Variants in NFIX observed in about 807,000 individuals in gnomAD.
NFIX encodes nuclear factor 1 X-type.
NFIX carries 2 observed loss-of-function variants against 53.3 expected under a neutral mutation model. That is an observed-to-expected ratio of 0.04 (90% CI 0.02 to 0.12). The LOEUF (loss-of-function observed/expected upper bound fraction) is 0.12, where lower values mean the gene tolerates loss of function less well. Among genes scored for constraint, NFIX ranks in the 10% least tolerant of loss-of-function variants. The pLI is 1.00. For missense variants in NFIX, 310 were observed against 674.5 expected (o/e 0.46, Z 5.99); for synonymous variants, 244 against 289.0 (o/e 0.84, Z 1.58).
rs2016522834 is a variant in NFIX at position 13,067,890 on chromosome 19, G to T, written c.560-5157G>T. On this transcript the variant is annotated intron_variant, in intron 2 of 10. Coordinates refer to ENST00000592199, the MANE Select transcript of NFIX (RefSeq NM_001365902.3). This position sits in a 1 kb window ranked among gnomAD's most constrained non-coding sequence, Gnocchi z 4.2. Reference sequence around the variant, plus strand: ...GGAGGCTGAGACGGGCGGATCACCAGGTCAGGAGATCGAGACCATCCTGGC... The same window carrying T: ...GGAGGCTGAGACGGGCGGATCACCATGTCAGGAGATCGAGACCATCCTGGC... 6.6e-6 allele frequency among the ~76,000 whole-genome samples: 1 copy of T among 152,046 alleles called. No homozygotes were observed. Among genetic ancestry groups the T allele is most frequent in the African/African-American group, 2.4e-5 (1 of 41,376 alleles).
In NFIX at chr19:13,072,543, G is replaced by T. The variant is rs2145428437; in HGVS notation, c.560-504G>T. On this transcript the variant is annotated intron_variant, in intron 2 of 10. Transcript: ENST00000592199. The surrounding 1 kb of genome is among the most constrained non-coding windows in gnomAD (Gnocchi z 4.0). Reference sequence around the variant, plus strand: ...GATGCTCCTCTGGGAGCTGGAGCTGGGTGGGGGATGGGGGACCCTTGGGTC... The same window carrying T: ...GATGCTCCTCTGGGAGCTGGAGCTGTGTGGGGGATGGGGGACCCTTGGGTC... Among the ~76,000 whole-genome samples, 1 of 152,382 alleles carries T rather than the reference G, an allele frequency of 6.6e-6. No individual in the cohort carries two copies. The highest frequency in any genetic ancestry group is 2.1e-4 in the South Asian group (1 of 4,832).
At chr19:13,076,759 C>G (rs776871907) in intron 6 of NFIX, among the ~76,000 whole-genome samples, 4 of 152,152 alleles carry the variant, frequency 2.6e-5, no homozygotes, top group African/African-American at 7.2e-5. Context: ...TGGGGTGGAG[C>G]GAGGTGGGGC....
intron 2 of NFIX, among the ~76,000 whole-genome samples, chr19:13,033,209 G>GT (rs1157112364): frequency 1.3e-5 from 2 of 152,234 alleles, no homozygotes; most frequent in Non-Finnish European, 1.5e-5. Flanking sequence ...GCATGTTTGA[G>GT]TTTAAGGGTT....
chr19:13,042,888 G>T (rs2014735228), intron 2 of NFIX, among the ~76,000 whole-genome samples: 2 of 152,088 alleles, frequency 1.3e-5, no homozygotes, highest in African/African-American at 4.8e-5. Context: ...GGACTCTCTT[G>T]AAGGCTCTTC....
intron 2 of NFIX, among the ~76,000 whole-genome samples, chr19:13,046,108 C>T (rs1422382328): frequency 6.6e-6 from 1 of 152,192 alleles, no homozygotes; most frequent in African/African-American, 2.4e-5. Flanking sequence ...CTCCTTCCAC[C>T]ATTCATTCCT....
rs1599694712 is a variant in NFIX, at chr19:12,998,227, GTC to G, written c.27+2367_27+2368del. ...CTTTTGTATGTCTCTGACTGTCTCT[GTC>G]TCTGATTCCAGTTTTGGCCCCATCT... On this transcript the variant is annotated intron_variant, in intron 1 of 10. Transcript: ENST00000592199. The surrounding 1 kb of genome is among the most constrained non-coding windows in gnomAD (Gnocchi z 4.4). Among the ~76,000 whole-genome samples the G allele has an allele frequency of 1.3e-5, 2 of 151,734 alleles. No homozygotes were observed. Among genetic ancestry groups the G allele is most frequent in the East Asian group, 3.9e-4 (2 of 5,166 alleles).
At position 13,090,272 on chromosome 19, in the gene NFIX, T is replaced by C. The variant is rs2018052555; in HGVS notation, c.1403-27T>C. Reference sequence around the variant, plus strand: ...GTGGGCCCCAAGGCCTGACAGGGTCTCTCCCTCTCTCCCCTGCTCCCCACA... The same window carrying C: ...GTGGGCCCCAAGGCCTGACAGGGTCCCTCCCTCTCTCCCCTGCTCCCCACA... On this transcript the variant is annotated intron_variant, in intron 9 of 10. Coordinates refer to ENST00000592199, the MANE Select transcript of NFIX (RefSeq NM_001365902.3). This position sits in a 1 kb window ranked among gnomAD's most constrained non-coding sequence, Gnocchi z 6.6. 6.2e-7 allele frequency: 1 copy of C among 1,611,540 alleles called. No homozygotes were observed. Among genetic ancestry groups the C allele is most frequent in the Non-Finnish European group, 8.5e-7 (1 of 1,177,892 alleles).
chr19:13,095,955 T>C lies in NFIX; in HGVS notation c.*1306T>C, dbSNP rs1277477068. Reference sequence around the variant, plus strand: ...TGTTGGAATGGGAACTCCTCCTCCATTTGAGCAACTTGGGAACAATTTGGT... The same window carrying C: ...TGTTGGAATGGGAACTCCTCCTCCACTTGAGCAACTTGGGAACAATTTGGT... On this transcript the variant is annotated 3_prime_UTR_variant, in exon 11 of 11. Transcript: ENST00000592199. 6.6e-6 allele frequency: 1 copy of C among 152,100 alleles called. No homozygotes were observed. The highest frequency in any genetic ancestry group is 1.5e-5 in the Non-Finnish European group (1 of 68,038). 9.4% of individuals were successfully genotyped at this position (152,100 alleles called of 1,614,324 possible).
rs996969681 is a variant in NFIX, at chr19:13,001,782, G to A, written c.27+5918G>A. ...TCTCCTGGGCATTCCCTTGGCCTCC[G>A]AGCACCATGTGAGATGCCTGCTATG... On this transcript the variant is annotated intron_variant, in intron 1 of 10. Coordinates refer to ENST00000592199, the MANE Select transcript of NFIX (RefSeq NM_001365902.3). This position sits in a 1 kb window ranked among gnomAD's most constrained non-coding sequence, Gnocchi z 6.5. 2.0e-5 allele frequency among the ~76,000 whole-genome samples: 3 copies of A among 152,206 alleles called. 1 individual carries two copies. The highest frequency in any genetic ancestry group is 2.9e-5 in the Non-Finnish European group (2 of 68,038).
chr19:13,091,537 C>T (rs2018139445), intron 10 of NFIX, among the ~76,000 whole-genome samples: 1 of 152,100 alleles, frequency 6.6e-6, no homozygotes, highest in Non-Finnish European at 1.5e-5. Context: ...TCACGTCTGA[C>T]CCGTCTGGTT....
In NFIX at chr19:13,043,476, A is replaced by C. The variant is rs567196358; in HGVS notation, c.559+17924A>C. 1.3e-5 allele frequency among the ~76,000 whole-genome samples: 2 copies of C among 152,198 alleles called. No individual in the cohort carries two copies. Among genetic ancestry groups the C allele is most frequent in the Non-Finnish European group, 2.9e-5 (2 of 68,006 alleles). On this transcript the variant is annotated intron_variant, in intron 2 of 10. Coordinates refer to ENST00000592199, the MANE Select transcript of NFIX (RefSeq NM_001365902.3). The surrounding 1 kb of genome is among the most constrained non-coding windows in gnomAD (Gnocchi z 4.0). ...CCCATGCTGGCCGCCAGCACGTGCC[A>C]GAGAGCTCCTGAGGAAGCAGCTGCT...
chr19:13,028,992 G>A lies in NFIX; in HGVS notation c.559+3440G>A, dbSNP rs538487967. Among the ~76,000 whole-genome samples, 52 of 152,250 alleles carry A rather than the reference G, an allele frequency of 3.4e-4. No individual in the cohort carries two copies. The highest frequency in any genetic ancestry group is 1.6e-4 in the Non-Finnish European group (11 of 68,004). Reference sequence around the variant, plus strand: ...TACTTGAGCGAATGGAACTGTCAGCGTCACCCTGTCAGATCCCTCCTGTGC... The same window carrying A: ...TACTTGAGCGAATGGAACTGTCAGCATCACCCTGTCAGATCCCTCCTGTGC... On this transcript the variant is annotated intron_variant, in intron 2 of 10. Transcript: ENST00000592199. The surrounding 1 kb of genome is among the most constrained non-coding windows in gnomAD (Gnocchi z 4.2).
intron 2 of NFIX, among the ~76,000 whole-genome samples, chr19:13,064,742 G>A (rs1386169719): frequency 6.6e-6 from 1 of 152,196 alleles, no homozygotes; most frequent in Admixed American, 6.5e-5. Flanking sequence ...GGGAGCTGAG[G>A]GTCAGCCACA....
chr19:13,055,254 G>A (rs1438667342), intron 2 of NFIX, among the ~76,000 whole-genome samples: 2 of 146,716 alleles, frequency 1.4e-5, no homozygotes, highest in African/African-American at 5.1e-5. Flanking sequence ...CCACTTAGAG[G>A]TTGGCCCCCA....
At chr19:13,033,128 T>C (rs1163015689) in intron 2 of NFIX, among the ~76,000 whole-genome samples, 1 of 152,122 alleles carries the variant, frequency 6.6e-6, no homozygotes, top group Non-Finnish European at 1.5e-5. Context: ...TAGGTTTTTC[T>C]TGGCACCAAG....
Position 13,094,768 on chromosome 19 carries a change from T to A in NFIX, c.*119T>A. On this transcript the variant is annotated 3_prime_UTR_variant, in exon 11 of 11. Transcript: ENST00000592199. This position sits in a 1 kb window ranked among gnomAD's most constrained non-coding sequence, Gnocchi z 4.3. The stretch of plus-strand genomic sequence containing the variant: ...CCCAGCCCCACCGAAAAGCAAAAAT[T>A]ACACGTCGTCAGCCACTCAGCCCTT... The A allele has an allele frequency of 1.8e-6, 2 of 1,111,504 alleles. No homozygotes were observed. The highest frequency in any genetic ancestry group is 2.6e-6 in the Non-Finnish European group (2 of 773,014). 68.9% of individuals were successfully genotyped at this position (1,111,504 alleles called of 1,614,324 possible).
rs531407503 is a variant in NFIX at position 13,060,086 on chromosome 19, C to G, written c.560-12961C>G. Among the ~76,000 whole-genome samples the G allele has an allele frequency of 1.1e-4, 17 of 152,332 alleles. No homozygotes were observed. The highest frequency in any genetic ancestry group is 2.4e-4 in the Non-Finnish European group (16 of 68,036). ...TACAGGCATGAGCCACCGCACCCGG[C>G]CAAGAGGAACGCTTTTGGCCTCCAT... is the stretch of plus-strand genomic sequence containing the variant. On this transcript the variant is annotated intron_variant, in intron 2 of 10. Coordinates refer to ENST00000592199, the MANE Select transcript of NFIX (RefSeq NM_001365902.3). The surrounding 1 kb of genome is among the most constrained non-coding windows in gnomAD (Gnocchi z 4.3).
chr19:13,007,583 C>T (rs1337311529), intron 1 of NFIX, among the ~76,000 whole-genome samples: 1 of 152,184 alleles, frequency 6.6e-6, no homozygotes, highest in East Asian at 1.9e-4. Flanking sequence ...CTAAGTTCCC[C>T]CCAAGGTTCC....
chr19:13,003,763 T>C (rs2011857608), intron 1 of NFIX, among the ~76,000 whole-genome samples: 1 of 152,080 alleles, frequency 6.6e-6, no homozygotes, highest in South Asian at 2.1e-4. Flanking sequence ...CTCAGCCTCC[T>C]GAGTAGCAGG....
Sources: allele counts gnomAD v4.1 joint callset (sites outside exome capture counted in the v4.1 genomes callset), GRCh38; gene constraint gnomAD v4.1.1; non-coding constraint Gnocchi (gnomAD v3.1); transcripts MANE v1.5; gene names NCBI Gene and HGNC (gene_info 2026-07-23, HGNC 2026-07-21).